Variants in OPA1 observed in about 807,000 individuals in gnomAD.
OPA1 encodes OPA1 mitochondrial dynamin like GTPase.
A neutral mutation model predicts 152.9 loss-of-function variants in OPA1; 59 were observed. The ratio of observed to expected loss-of-function variants is 0.39; its 90% CI spans 0.31 to 0.48. The LOEUF (loss-of-function observed/expected upper bound fraction) is 0.48. OPA1 is among the 20% of genes least tolerant of loss of function. The probability of loss-of-function intolerance (pLI) is 0.96; values close to 1 mark genes in which losing one functional copy is unlikely to be tolerated. For missense variants in OPA1, 1,008 were observed against 1,216.8 expected, an observed-to-expected ratio of 0.83 and a Z score of 2.55; for synonymous variants, 400 against 389.9, an observed-to-expected ratio of 1.03 and a Z score of -0.31.
chr3:193,677,366 T>G (rs1188533633), intron 29 of OPA1, among the ~76,000 whole-genome samples: 2 of 148,084 alleles, frequency 1.4e-5, no homozygotes, highest in Non-Finnish European at 3.0e-5. Flanking sequence ...TGATCATGGC[T>G]CACTGCAGCC....
intron 29 of OPA1, among the ~76,000 whole-genome samples, chr3:193,686,188 G>A (rs1239821724): frequency 6.6e-6 from 1 of 152,200 alleles, no homozygotes; most frequent in African/African-American, 2.4e-5. Flanking sequence ...GTATAAGGAA[G>A]TAGTTGTTAG....
chr3:193,693,905 GT>G (rs1395016065), intron 30 of OPA1, among the ~76,000 whole-genome samples: 2 of 152,176 alleles, frequency 1.3e-5, no homozygotes, highest in Non-Finnish European at 2.9e-5. Context: ...TTACATCATA[GT>G]TCTATTTACT....
chr3:193,664,408 A>G (rs942656616), intron 26 of OPA1, among the ~76,000 whole-genome samples: 1 of 151,890 alleles, frequency 6.6e-6, no homozygotes, highest in Non-Finnish European at 1.5e-5. Flanking sequence ...CAGAGTATCT[A>G]GTAATAAAGT....
intron 1 of OPA1, among the ~76,000 whole-genome samples, chr3:193,600,486 C>G: frequency 6.6e-6 from 1 of 152,128 alleles, no homozygotes; most frequent in Non-Finnish European, 1.5e-5. Context: ...ATTATTATGA[C>G]TGTTAAGAGG....
chr3:193,610,867 T>G (rs902675338), intron 1 of OPA1, among the ~76,000 whole-genome samples: 1 of 152,240 alleles, frequency 6.6e-6, no homozygotes, highest in Admixed American at 6.5e-5. Flanking sequence ...GGTGTGCTGT[T>G]TGCTAAGACC....
In OPA1 at chr3:193,672,151, G is replaced by T. The variant is rs562045840; in HGVS notation, c.2983+4871G>T. Among the ~76,000 whole-genome samples the T allele has an allele frequency of 1.1e-3, 166 of 152,260 alleles. 1 individual carries two copies. Among genetic ancestry groups the T allele is most frequent in the Non-Finnish European group, 1.8e-3 (121 of 68,018 alleles). ...TGTTTATTGAAATAGTATAACTTTA[G>T]AATACTTTCTTTGGAGAGATGAAGA... On this transcript the variant is annotated intron_variant, in intron 29 of 30. Transcript: ENST00000361510.
intron 1 of OPA1, among the ~76,000 whole-genome samples, chr3:193,609,149 CTT>C (rs1280579851): frequency 1.3e-5 from 2 of 152,048 alleles, no homozygotes; most frequent in Non-Finnish European, 2.9e-5. Flanking sequence ...GGTCTTGACT[CTT>C]TATCCAATTT....
chr3:193,601,385 C>G (rs1726433761), intron 1 of OPA1, among the ~76,000 whole-genome samples: 1 of 152,130 alleles, frequency 6.6e-6, no homozygotes, highest in African/African-American at 2.4e-5. Flanking sequence ...CAGGCCAGGC[C>G]AGATAACAAG....
At chr3:193,593,477 T>TA (rs769578682) in intron 1 of OPA1, 68 bp downstream of exon 1, 69 of 1,411,448 alleles carry the variant, frequency 4.9e-5, no homozygotes, top group South Asian at 2.9e-5. Flanking sequence ...GTCTTATCTC[T>TA]ATCTCCAAAA....
At chr3:193,643,246 CA>C in intron 13 of OPA1, 126 bp from the exon 14 acceptor site, 1 of 868,964 alleles carries the variant, frequency 1.2e-6, no homozygotes, top group South Asian at 1.5e-5. Flanking sequence ...GAAAGAATAC[CA>C]TTTTTGTGAG....
intron 30 of OPA1, among the ~76,000 whole-genome samples, chr3:193,692,547 TTG>T (rs1156860477): frequency 6.6e-6 from 1 of 152,224 alleles, no homozygotes; most frequent in Non-Finnish European, 1.5e-5. Flanking sequence ...ATTTTAATAA[TTG>T]TTCTTAATCC....
chr3:193,653,806 A>G (rs2109127488), intron 21 of OPA1, among the ~76,000 whole-genome samples: 1 of 152,338 alleles, frequency 6.6e-6, no homozygotes, highest in South Asian at 2.1e-4. Flanking sequence ...GCATGAAAAG[A>G]TGCTCAGAAT....
Position 193,690,310 on chromosome 3 carries a change from C to G in OPA1, c.2984-1753C>G, listed in dbSNP as rs1488723253. 1.9e-4 allele frequency among the ~76,000 whole-genome samples: 8 copies of G among 42,054 alleles called. 1 individual carries two copies. Among genetic ancestry groups the G allele is most frequent in the Non-Finnish European group, 2.6e-4 (6 of 22,992 alleles). 27.6% of individuals were successfully genotyped at this position (42,054 alleles called of 152,430 possible). ...TGATTAAAACAACTGGACTCCCCCC[C>G]CACCCCACCCCACACACACACAGAT... is the stretch of plus-strand genomic sequence containing the variant. On this transcript the variant is annotated intron_variant, in intron 29 of 30. Coordinates refer to ENST00000361510, the MANE Select transcript of OPA1 (RefSeq NM_130837.3).
At chr3:193,624,502 G>A (rs1041841972) in intron 6 of OPA1, among the ~76,000 whole-genome samples, 1 of 151,972 alleles carries the variant, frequency 6.6e-6, no homozygotes, top group Admixed American at 6.6e-5. Context: ...AATAAATCAG[G>A]TTACTCTTCT....
intron 15 of OPA1, among the ~76,000 whole-genome samples, 167 bp downstream of exon 15, chr3:193,643,794 A>G (rs1226434370): frequency 2.0e-5 from 3 of 152,178 alleles, no homozygotes; most frequent in Non-Finnish European, 4.4e-5. Flanking sequence ...AATTATTTTG[A>G]TAAGTTTTAC....
intron 3 of OPA1, among the ~76,000 whole-genome samples, chr3:193,615,971 T>TC (rs957987732): frequency 1.7e-4 from 26 of 152,280 alleles, no homozygotes; most frequent in African/African-American, 6.3e-4. Flanking sequence ...CACTAACTGT[T>TC]TGGAGCATTT....
chr3:193,667,569 G>T, intron 29 of OPA1: 1 of 374,810 alleles, frequency 2.7e-6, no homozygotes, highest in East Asian at 6.8e-5. Flanking sequence ...TACTTGGGAG[G>T]CTGAGGCAGG....
chr3:193,647,247 C>A, intron 19 of OPA1, 67 bp downstream of exon 19: 1 of 970,056 alleles, frequency 1.0e-6, no homozygotes, highest in East Asian at 2.6e-5. Flanking sequence ...CTTTGGCATC[C>A]ATACGATTCT....
chr3:193,593,695 C>T lies in OPA1; in HGVS notation c.32+286C>T, dbSNP rs6781575. ...ATTGTCCTTTTGTCTCTGCCCTTTA[C>T]ACCCTTGTGTCTTCAGTGTTCTGTC... On this transcript the variant is annotated intron_variant, in intron 1 of 30. Coordinates refer to ENST00000361510, the MANE Select transcript of OPA1 (RefSeq NM_130837.3). 0.024 allele frequency among the ~76,000 whole-genome samples: 3,673 copies of T among 152,270 alleles called. 161 individuals are homozygous for T. Among genetic ancestry groups the T allele is most frequent in the African/African-American group, 0.085 (3,510 of 41,532 alleles).
Sources: gnomAD v4.1 joint callset for allele counts (sites outside exome capture counted in the v4.1 genomes callset) on GRCh38, gnomAD v4.1.1 for gene constraint, MANE v1.5 for transcripts, NCBI Gene and HGNC (gene_info 2026-07-23, HGNC 2026-07-21) for gene names.